The following SDK1 variants were observed in gnomAD, a reference collection of about 807,000 sequenced individuals.
SDK1 encodes the protein sidekick cell adhesion molecule 1.
Under a neutral mutation model 245.5 loss-of-function variants are expected in SDK1, and 157 were observed. The observed-to-expected ratio is 0.64, with a 90% confidence interval of 0.56 to 0.73. The LOEUF (loss-of-function observed/expected upper bound fraction) is 0.73, where lower values mean the gene tolerates loss of function less well. SDK1 is among the 30% of genes least tolerant of loss of function. The pLI, the probability that SDK1 is intolerant of heterozygous loss-of-function variation, is 0.00. For missense variants in SDK1, 3,583 were observed against 3,002.3 expected (o/e 1.19, Z -4.52); for synonymous variants, 1,647 against 1,278.5 (o/e 1.29, Z -6.15).
intron 1 of SDK1, among the ~76,000 whole-genome samples, chr7:3,328,538 A>G (rs190474645): frequency 6.6e-6 from 1 of 152,246 alleles, no homozygotes; most frequent in East Asian, 1.9e-4. Flanking sequence ...AAACTTGGTT[A>G]AAATCAAACA....
At chr7:3,656,538 T>A (rs1783190556) in intron 4 of SDK1, among the ~76,000 whole-genome samples, 1 of 152,234 alleles carries the variant, frequency 6.6e-6, no homozygotes, top group African/African-American at 2.4e-5. Flanking sequence ...GAAAACTTTG[T>A]AATGCTGTTT....
At chr7:3,681,595 C>G (rs1460115579) in intron 4 of SDK1, among the ~76,000 whole-genome samples, 1 of 152,178 alleles carries the variant, frequency 6.6e-6, no homozygotes, top group Non-Finnish European at 1.5e-5. Flanking sequence ...TTTGACATAT[C>G]ATACTTACTT....
intron 1 of SDK1, among the ~76,000 whole-genome samples, chr7:3,485,089 A>T (rs761617755): frequency 6.6e-6 from 1 of 152,154 alleles, no homozygotes; most frequent in African/African-American, 2.4e-5. Flanking sequence ...ACTGTTTTCC[A>T]TAATAGTTCT....
intron 1 of SDK1, among the ~76,000 whole-genome samples, chr7:3,381,864 C>T (rs945855645): frequency 1.3e-5 from 2 of 152,148 alleles, no homozygotes; most frequent in Non-Finnish European, 2.9e-5. Flanking sequence ...TGTAGAGTGC[C>T]ATTATCTTAC....
intron 2 of SDK1, among the ~76,000 whole-genome samples, chr7:3,626,793 G>A (rs1583243249): frequency 6.6e-6 from 1 of 151,964 alleles, no homozygotes; most frequent in South Asian, 2.1e-4. Context: ...AAATTCTCTG[G>A]GTCCCTTTTT....
intron 5 of SDK1, among the ~76,000 whole-genome samples, chr7:3,858,948 C>T (rs1016119000): frequency 4.1e-5 from 6 of 147,306 alleles, no homozygotes; most frequent in Non-Finnish European, 1.5e-5. Flanking sequence ...CTGCAAGCTC[C>T]ACCCACCAGG....
rs138286016 is a variant in SDK1 at position 4,096,495 on chromosome 7, C to T, written c.3325-14168C>T. On this transcript the variant is annotated intron_variant, in intron 22 of 44. Transcript: ENST00000404826. ...AGGGGCCAACTATACCGGGATGGGTCGTGGGACCTCTGTAAGCCTCAGTTT... is the reference window on the plus strand; with the variant it reads ...AGGGGCCAACTATACCGGGATGGGTTGTGGGACCTCTGTAAGCCTCAGTTT... Among the ~76,000 whole-genome samples, 19 of 152,198 alleles carry T rather than the reference C, an allele frequency of 1.2e-4. No individual in the cohort carries two copies. In the East Asian group the frequency reaches 1.7e-3, roughly 14 times the overall value.
chr7:4,193,119 A>ATATATAATATATAAATATATTAATATATT lies in SDK1; in HGVS notation c.5099-12746_5099-12718dup, dbSNP rs1554256973. ...ATATATAATATAAATATATTAAAAT[A>ATATATAATATATAAATATATTAATATATT]TATATAATATATAAATATATTAATA... On this transcript the variant is annotated intron_variant, in intron 35 of 44. Transcript: ENST00000404826. Among the ~76,000 whole-genome samples the ATATATAATATATAAATATATTAATATATT allele has an allele frequency of 2.7e-3, 364 of 133,514 alleles. 2 individuals carry two copies. Among genetic ancestry groups the ATATATAATATATAAATATATTAATATATT allele is most frequent in the Middle Eastern group, 0.015 (4 of 262 alleles). 87.6% of individuals were successfully genotyped at this position (133,514 alleles called of 152,430 possible).
At chr7:3,707,893 C>T (rs948582501) in intron 4 of SDK1, among the ~76,000 whole-genome samples, 2 of 152,122 alleles carry the variant, frequency 1.3e-5, no homozygotes, top group Admixed American at 6.5e-5. Context: ...CTTTTGATTT[C>T]TATTTGCATG....
intron 4 of SDK1, among the ~76,000 whole-genome samples, chr7:3,673,522 A>T (rs759235899): frequency 6.6e-6 from 1 of 152,242 alleles, no homozygotes; most frequent in Admixed American, 6.5e-5. Context: ...ATAAAAGTAC[A>T]TACCATAGGC....
chr7:3,799,052 A>G (rs1779038777), intron 4 of SDK1, among the ~76,000 whole-genome samples: 1 of 152,156 alleles, frequency 6.6e-6, no homozygotes, highest in South Asian at 2.1e-4. Flanking sequence ...TCAATTATTT[A>G]TTATTCAATC....
chr7:3,852,530 G>A (rs960260810), intron 5 of SDK1, among the ~76,000 whole-genome samples: 8 of 151,490 alleles, frequency 5.3e-5, no homozygotes, highest in Non-Finnish European at 7.4e-5. Flanking sequence ...GGCGGATCAC[G>A]AGGTCAGGAG....
intron 5 of SDK1, among the ~76,000 whole-genome samples, chr7:3,896,629 G>C (rs1360520210): frequency 1.3e-5 from 2 of 152,128 alleles, no homozygotes; most frequent in African/African-American, 4.8e-5. Flanking sequence ...AAGGCAGCGA[G>C]CTGGACACTC....
chr7:4,216,553 A>T (rs931849331), intron 38 of SDK1, among the ~76,000 whole-genome samples: 1 of 152,244 alleles, frequency 6.6e-6, no homozygotes, highest in Non-Finnish European at 1.5e-5. Context: ...TTGCTCATGG[A>T]GTCTGTGCGT....
intron 5 of SDK1, among the ~76,000 whole-genome samples, chr7:3,871,681 C>G (rs1307590020): frequency 2.6e-5 from 4 of 152,156 alleles, no homozygotes; most frequent in African/African-American, 4.8e-5. Context: ...AGGCGCCAGA[C>G]TCCCTTTAAC....
chr7:3,837,049 A>G lies in SDK1; in HGVS notation c.847+15466A>G, dbSNP rs147413990. Among the ~76,000 whole-genome samples the G allele has an allele frequency of 1.9e-3, 294 of 152,258 alleles. 1 individual carries two copies. Among genetic ancestry groups the G allele is most frequent in the African/African-American group, 6.7e-3 (279 of 41,550 alleles). On this transcript the variant is annotated intron_variant, in intron 5 of 44. Coordinates refer to ENST00000404826, the MANE Select transcript of SDK1 (RefSeq NM_152744.4). ...AAGGACCCCTGTCCTCTTGTGTTAGAGACACCGCATGATCTCATTTAACCT... is the reference window on the plus strand; with the variant it reads ...AAGGACCCCTGTCCTCTTGTGTTAGGGACACCGCATGATCTCATTTAACCT...
intron 21 of SDK1, among the ~76,000 whole-genome samples, chr7:4,078,376 G>A (rs1476840189): frequency 1.3e-5 from 2 of 152,112 alleles, no homozygotes; most frequent in African/African-American, 4.8e-5. Flanking sequence ...TGAGAAATAG[G>A]AAAGAGTCCA....
chr7:3,306,701 C>T (rs1779425028), intron 1 of SDK1, among the ~76,000 whole-genome samples: 3 of 152,096 alleles, frequency 2.0e-5, no homozygotes, highest in Non-Finnish European at 2.9e-5. Context: ...TTTAATTCTC[C>T]CTACCAGTTG....
At chr7:3,735,666 G>T (rs6958764) in intron 4 of SDK1, among the ~76,000 whole-genome samples, 18,483 of 152,052 alleles carry the variant, frequency 0.12, 1,697 homozygotes, top group African/African-American at 0.25. Flanking sequence ...TCTTCAATTC[G>T]TTTAGATAGA....
Sources: allele counts gnomAD v4.1 joint callset (sites outside exome capture counted in the v4.1 genomes callset), GRCh38; gene constraint gnomAD v4.1.1; transcripts MANE v1.5; gene names NCBI Gene and HGNC (gene_info 2026-07-23, HGNC 2026-07-21).